Variants in EYA2 observed in about 807,000 individuals in gnomAD.
EYA2 encodes EYA transcriptional coactivator and phosphatase 2.
In EYA2, 31 loss-of-function variants were observed where a neutral mutation model predicts 69.2. That is an observed-to-expected ratio of 0.45 (90% confidence interval 0.34 to 0.60). The LOEUF (loss-of-function observed/expected upper bound fraction) is 0.60, where lower values mean the gene tolerates loss of function less well. Among genes scored for constraint, EYA2 ranks in the 20% least tolerant of loss-of-function variants. EYA2 has a pLI of 0.02. For synonymous variants in EYA2, 257 were observed against 279.4 expected (o/e 0.92, Z 0.80); for missense variants, 622 against 701.2 (o/e 0.89, Z 1.28).
intron 1 of EYA2, among the ~76,000 whole-genome samples, chr20:46,964,119 T>G (rs913439029): frequency 6.6e-6 from 1 of 152,234 alleles, no homozygotes; most frequent in Non-Finnish European, 1.5e-5. Flanking sequence ...AACTTTTATT[T>G]GAAGTTTTAT....
At chr20:47,103,157 A>G (rs2032472064) in intron 9 of EYA2, among the ~76,000 whole-genome samples, 1 of 152,122 alleles carries the variant, frequency 6.6e-6, no homozygotes, top group Non-Finnish European at 1.5e-5. Context: ...CAATTCAGTA[A>G]TTTTTAGTAT....
intron 1 of EYA2, among the ~76,000 whole-genome samples, chr20:46,947,892 GGA>G (rs1978557747): frequency 6.6e-6 from 1 of 152,116 alleles, no homozygotes; most frequent in African/African-American, 2.4e-5. Flanking sequence ...CAAGGTGGGA[GGA>G]TCTCTTAAAG....
rs558110402 is a variant in EYA2, at chr20:47,085,677, C to T, written c.662-3562C>T. ...AAAAAGAAAGAAAGAAATGAAGTAT[C>T]GATAAACACCGCATGTACTGAATCT... On this transcript the variant is annotated intron_variant, in intron 7 of 15. Coordinates refer to ENST00000327619, the MANE Select transcript of EYA2 (RefSeq NM_005244.5). Among the ~76,000 whole-genome samples, 27 of 151,684 alleles carry T rather than the reference C, an allele frequency of 1.8e-4. No individual in the cohort carries two copies. The East Asian group carries it at 3.7e-3, about 21-fold the overall frequency.
rs546220102 is a variant in EYA2, at chr20:47,127,712, T to G, written c.889-15347T>G. Among the ~76,000 whole-genome samples, 172 of 152,312 alleles carry G rather than the reference T, an allele frequency of 1.1e-3. 1 individual carries two copies. Among genetic ancestry groups the G allele is most frequent in the Middle Eastern group, 6.8e-3 (2 of 294 alleles). On this transcript the variant is annotated intron_variant, in intron 9 of 15. Coordinates refer to ENST00000327619, the MANE Select transcript of EYA2 (RefSeq NM_005244.5). ...CTCCCCAAGGGCTCAGAGCTGTGTC[T>G]GAAGCTGGAAAGATAAGCAGACAGT...
intron 10 of EYA2, among the ~76,000 whole-genome samples, chr20:47,163,424 G>A (rs559243194): frequency 6.6e-6 from 1 of 152,164 alleles, no homozygotes; most frequent in African/African-American, 2.4e-5. Flanking sequence ...CCTTGGCTTG[G>A]GACGTGGCTC....
At chr20:47,084,126 A>C (rs1251105037) in intron 7 of EYA2, among the ~76,000 whole-genome samples, 3 of 152,132 alleles carry the variant, frequency 2.0e-5, no homozygotes, top group Non-Finnish European at 4.4e-5. Flanking sequence ...TGTGCCTGTA[A>C]TCCCAGCTAC....
chr20:47,026,602 A>T (rs966098439), intron 5 of EYA2, among the ~76,000 whole-genome samples: 4 of 152,232 alleles, frequency 2.6e-5, no homozygotes, highest in African/African-American at 9.6e-5. Context: ...AAATGATTCT[A>T]CTAGTCTATG....
chr20:46,971,080 T>TAC (rs148380754), intron 1 of EYA2, among the ~76,000 whole-genome samples: 105,623 of 147,128 alleles, frequency 0.72, 38,353 homozygotes, highest in Non-Finnish European at 0.77. Flanking sequence ...ATAAAGTTGC[T>TAC]ACACACACAC....
chr20:47,014,631 T>C lies in EYA2; in HGVS notation c.299-1550T>C, dbSNP rs973387967. On this transcript the variant is annotated intron_variant, in intron 4 of 15. Transcript: ENST00000327619. ...TAGACTTGCACATGTGCACAAAATG[T>C]GTGTGTGTGTGTGTGTGTGTGTGTG... Among the ~76,000 whole-genome samples the C allele has an allele frequency of 5.0e-3, 435 of 87,422 alleles. 1 individual carries two copies. Among genetic ancestry groups the C allele is most frequent in the African/African-American group, 0.027 (405 of 15,112 alleles). The allele number at this position is 87,422 out of a possible 152,430, so 57.4% of individuals were successfully genotyped here. A position where few individuals can be genotyped will look rare whatever the true frequency, so the allele number is the denominator to read the frequency against.
intron 10 of EYA2, among the ~76,000 whole-genome samples, chr20:47,154,858 TG>T (rs1422941743): frequency 1.0e-4 from 15 of 150,028 alleles, no homozygotes; most frequent in African/African-American, 3.7e-4. Context: ...TGTGTGTGTG[TG>T]TTTTGAGATG....
intron 9 of EYA2, among the ~76,000 whole-genome samples, chr20:47,110,746 A>G (rs2032727520): frequency 6.6e-6 from 1 of 152,222 alleles, no homozygotes; most frequent in Admixed American, 6.5e-5. Context: ...AAGGGCTGCC[A>G]GGTAGGGAGT....
At position 46,908,870 on chromosome 20, in the gene EYA2, C is replaced by CTTTTTTTTTTTTTTTT. The variant is rs56834738; in HGVS notation, c.-11+13905_-11+13920dup. On this transcript the variant is annotated intron_variant, in intron 1 of 15. Coordinates refer to ENST00000327619, the MANE Select transcript of EYA2 (RefSeq NM_005244.5). The stretch of plus-strand genomic sequence containing the variant: ...AAAGGCACTAAGCCTCTCTCCCGCA[C>CTTTTTTTTTTTTTTTT]TTTTTTTTTTTTTTTTTTTTTTTTT... 1.9e-4 allele frequency among the ~76,000 whole-genome samples: 9 copies of CTTTTTTTTTTTTTTTT among 47,580 alleles called. 3 individuals are homozygous for CTTTTTTTTTTTTTTTT. Among genetic ancestry groups the CTTTTTTTTTTTTTTTT allele is most frequent in the East Asian group, 1.2e-3 (1 of 806 alleles). 31.2% of individuals were successfully genotyped at this position (47,580 alleles called of 152,430 possible).
chr20:46,911,710 T>G (rs1191839173), intron 1 of EYA2, among the ~76,000 whole-genome samples: 1 of 152,062 alleles, frequency 6.6e-6, no homozygotes. Context: ...CACAAATATC[T>G]CATGTTCCCA....
At chr20:46,973,953 A>ATTAATT (rs1285298973) in intron 1 of EYA2, among the ~76,000 whole-genome samples, 6 of 152,228 alleles carry the variant, frequency 3.9e-5, no homozygotes, top group Admixed American at 2.0e-4. Flanking sequence ...ATTAGAAAAG[A>ATTAATT]TTAATTTTAA....
At chr20:47,148,527 A>G (rs1290902884) in intron 10 of EYA2, among the ~76,000 whole-genome samples, 2 of 152,216 alleles carry the variant, frequency 1.3e-5, no homozygotes, top group African/African-American at 4.8e-5. Flanking sequence ...TCATTTTATA[A>G]AAGTATAGGC....
At chr20:46,909,410 C>T (rs1180140105) in intron 1 of EYA2, among the ~76,000 whole-genome samples, 2 of 152,140 alleles carry the variant, frequency 1.3e-5, no homozygotes, top group Non-Finnish European at 1.5e-5. Context: ...GAGATGCCTA[C>T]ATTGACAATA....
chr20:47,094,622 ATAC>A (rs1208212203), intron 8 of EYA2, among the ~76,000 whole-genome samples: 1 of 152,376 alleles, frequency 6.6e-6, no homozygotes, highest in Non-Finnish European at 1.5e-5. Flanking sequence ...TCAAGATTGC[ATAC>A]TGGGGAGGGA....
chr20:47,090,928 C>T (rs2032065163), intron 8 of EYA2, among the ~76,000 whole-genome samples: 1 of 151,992 alleles, frequency 6.6e-6, no homozygotes, highest in Non-Finnish European at 1.5e-5. Flanking sequence ...GGAAAATGAG[C>T]AAACTCACCG....
At chr20:47,077,836 A>G (rs1298464175) in intron 7 of EYA2, among the ~76,000 whole-genome samples, 1 of 152,202 alleles carries the variant, frequency 6.6e-6, no homozygotes, top group East Asian at 1.9e-4. Context: ...CTCTGTCATC[A>G]TCTTGAATTA....
Sources: gnomAD v4.1 joint callset for allele counts (sites outside exome capture counted in the v4.1 genomes callset) on GRCh38, gnomAD v4.1.1 for gene constraint, MANE v1.5 for transcripts, NCBI Gene and HGNC (gene_info 2026-07-23, HGNC 2026-07-21) for gene names.